The following BMP5 variants were observed in gnomAD, a reference collection of about 807,000 sequenced individuals.
BMP5 encodes the protein bone morphogenetic protein 5.
BMP5 carries 23 observed loss-of-function variants against 46.6 expected under a neutral mutation model. The ratio of observed to expected loss-of-function variants is 0.49; its 90% CI spans 0.35 to 0.70. The LOEUF (loss-of-function observed/expected upper bound fraction) is 0.70, where lower values mean the gene tolerates loss of function less well. Ranked by LOEUF, BMP5 falls within the 30% of genes least tolerant of loss-of-function variation. BMP5 has a pLI of 0.00. For missense variants in BMP5, 545 were observed against 565.6 expected (o/e 0.96, Z 0.37); for synonymous variants, 204 against 191.9 (o/e 1.06, Z -0.52).
chr6:55,796,147 C>T (rs535710770), intron 2 of BMP5, among the ~76,000 whole-genome samples: 1 of 152,246 alleles, frequency 6.6e-6, no homozygotes, highest in East Asian at 1.9e-4. Context: ...TTGGGAAATA[C>T]TTGAGTGCTA....
In BMP5 at chr6:55,856,773, A is replaced by G. The variant is rs1221125334; in HGVS notation, c.490+17603T>C. 1.1e-4 allele frequency among the ~76,000 whole-genome samples: 17 copies of G among 152,228 alleles called. No individual in the cohort carries two copies. The East Asian group carries it at 3.3e-3, about 29-fold the overall frequency. ...CAAAAATCATGATTTCATACATATC[A>G]ATATATTTCAAAGCACAATCTTCAT... is the stretch of plus-strand genomic sequence containing the variant. On this transcript the variant is annotated intron_variant, in intron 1 of 6. Transcript: ENST00000370830.
chr6:55,850,037 T>A (rs1339752369), intron 1 of BMP5, among the ~76,000 whole-genome samples: 1 of 152,072 alleles, frequency 6.6e-6, no homozygotes, highest in Non-Finnish European at 1.5e-5. Context: ...GGGCCATACT[T>A]TTTTAGTTTT....
intron 3 of BMP5, among the ~76,000 whole-genome samples, chr6:55,793,518 C>G (rs1281315461): frequency 6.6e-6 from 1 of 152,162 alleles, no homozygotes; most frequent in African/African-American, 2.4e-5. Context: ...TCCCAGGTGT[C>G]TTTAGCTGTG....
In BMP5 at chr6:55,869,174, A is replaced by T. The variant is rs139542281; in HGVS notation, c.490+5202T>A. ...GTATGCTCCTTGTACACACATACTG[A>T]GACAACCCCCTCCTTCCCCACTTCG... On this transcript the variant is annotated intron_variant, in intron 1 of 6. Transcript: ENST00000370830. 1.1e-3 allele frequency among the ~76,000 whole-genome samples: 171 copies of T among 152,262 alleles called. 6 individuals carry two copies. In the South Asian group the frequency reaches 0.035, roughly 31 times the overall value.
chr6:55,790,319 T>A (rs1775547099), intron 3 of BMP5, among the ~76,000 whole-genome samples: 1 of 152,096 alleles, frequency 6.6e-6, no homozygotes, highest in African/African-American at 2.4e-5. Flanking sequence ...TTCAAGACAT[T>A]TTCAATACCT....
intron 4 of BMP5, among the ~76,000 whole-genome samples, chr6:55,761,052 C>T (rs1281954598): frequency 6.6e-6 from 1 of 151,970 alleles, no homozygotes; most frequent in East Asian, 1.9e-4. Context: ...TCCTGTCCAC[C>T]TGTAGACTTC....
At chr6:55,842,753 A>G (rs2127546227) in intron 1 of BMP5, among the ~76,000 whole-genome samples, 4 of 152,098 alleles carry the variant, frequency 2.6e-5, no homozygotes, top group Admixed American at 2.6e-4. Flanking sequence ...TACCTAGAAA[A>G]GTTGCCTTAT....
chr6:55,827,904 A>G (rs59347412), intron 1 of BMP5, among the ~76,000 whole-genome samples: 3,272 of 151,940 alleles, frequency 0.022, 121 homozygotes, highest in African/African-American at 0.076. Flanking sequence ...CTTAAAATAA[A>G]GGCATAACTG....
chr6:55,864,004 T>A (rs1777581186), intron 1 of BMP5, among the ~76,000 whole-genome samples: 1 of 152,082 alleles, frequency 6.6e-6, no homozygotes, highest in African/African-American at 2.4e-5. Context: ...ACCCCCATTT[T>A]TAAAGATGCA....
At chr6:55,779,705 C>A (rs1051413000) in intron 3 of BMP5, among the ~76,000 whole-genome samples, 1 of 151,944 alleles carries the variant, frequency 6.6e-6, no homozygotes, top group African/African-American at 2.4e-5. Flanking sequence ...AATCTAGCTA[C>A]AAATTTCAAC....
In BMP5 at chr6:55,874,449, A is replaced by T; in HGVS notation, c.417T>A (p.Ser139Arg). 3 of 1,613,138 alleles carry T rather than the reference A, an allele frequency of 1.9e-6. No homozygotes were observed. Among genetic ancestry groups the T allele is most frequent in the Non-Finnish European group, 2.5e-6 (3 of 1,179,528 alleles). Residue 139 changes from serine (S) to arginine (R), a missense_variant, in exon 1 of 7, where the codon AGT becomes AGA. Coordinates refer to ENST00000370830, the MANE Select transcript of BMP5 (RefSeq NM_021073.4). Reference sequence around the variant, plus strand: ...TATCATGGAGGCTGGCTAGAGGAGGACTCTGGGTGGTCAGAGGAGTCGTCC... The same window carrying T: ...TATCATGGAGGCTGGCTAGAGGAGGTCTCTGGGTGGTCAGAGGAGTCGTCC... ...LSRTTPLTTQSPPLASLHDTN... is the reference protein window; with the variant it reads ...LSRTTPLTTQRPPLASLHDTN...
chr6:55,853,239 A>G (rs1458605263), intron 1 of BMP5, among the ~76,000 whole-genome samples: 1 of 150,872 alleles, frequency 6.6e-6, no homozygotes, highest in African/African-American at 2.4e-5. Context: ...CAATAAAATA[A>G]AATTTGTTGC....
chr6:55,805,575 T>C lies in BMP5; in HGVS notation c.684-11148A>G, dbSNP rs141899878. 3.3e-5 allele frequency among the ~76,000 whole-genome samples: 5 copies of C among 152,318 alleles called. No individual in the cohort carries two copies. The East Asian group carries it at 5.8e-4, about 18-fold the overall frequency. On this transcript the variant is annotated intron_variant, in intron 2 of 6. Coordinates refer to ENST00000370830, the MANE Select transcript of BMP5 (RefSeq NM_021073.4). ...AGAATGATTTATATTCCCTTGGGTA[T>C]ATATCCAGTAATGGGATTGCTGGGT...
intron 3 of BMP5, among the ~76,000 whole-genome samples, chr6:55,778,730 G>A (rs1474941698): frequency 1.3e-5 from 2 of 152,008 alleles, no homozygotes; most frequent in Non-Finnish European, 2.9e-5. Context: ...AGTGAACAAA[G>A]ATAGGATTGG....
chr6:55,864,345 C>T (rs1009730392), intron 1 of BMP5, among the ~76,000 whole-genome samples: 1 of 152,026 alleles, frequency 6.6e-6, no homozygotes, highest in Non-Finnish European at 1.5e-5. Flanking sequence ...AAGGCACTGC[C>T]GTTATGAATA....
chr6:55,842,140 T>C lies in BMP5; in HGVS notation c.491-22293A>G, dbSNP rs1269999142. On this transcript the variant is annotated intron_variant, in intron 1 of 6. Coordinates refer to ENST00000370830, the MANE Select transcript of BMP5 (RefSeq NM_021073.4). ...GTTTTCATTTTCTGGTCTGTTGAGG[T>C]TTGTTCTGGAAGACAACTAAATGTC... Among the ~76,000 whole-genome samples the C allele has an allele frequency of 3.9e-5, 6 of 152,258 alleles. No individual in the cohort carries two copies. In the South Asian group the frequency reaches 1.0e-3, roughly 26 times the overall value.
intron 4 of BMP5, among the ~76,000 whole-genome samples, chr6:55,764,465 C>CA (rs564817101): frequency 4.6e-5 from 7 of 151,204 alleles, no homozygotes; most frequent in Non-Finnish European, 1.0e-4. Flanking sequence ...CCCAGCTACT[C>CA]AGGAGGCTGA....
intron 1 of BMP5, chr6:55,865,318 T>C (rs1027520910): frequency 2.4e-6 from 1 of 424,242 alleles, no homozygotes; most frequent in African/African-American, 2.1e-5. Context: ...TGGCTTCTAA[T>C]TAGTTTCCCC....
chr6:55,799,814 A>G (rs1212679999), intron 2 of BMP5, among the ~76,000 whole-genome samples: 4 of 152,116 alleles, frequency 2.6e-5, no homozygotes, highest in Non-Finnish European at 2.9e-5. Context: ...CTAAGTCCCT[A>G]TTAAATATTT....
Sources: gnomAD v4.1 joint callset for allele counts (sites outside exome capture counted in the v4.1 genomes callset) on GRCh38, gnomAD v4.1.1 for gene constraint, MANE v1.5 for transcripts, NCBI Gene and HGNC (gene_info 2026-07-23, HGNC 2026-07-21) for gene names.